HIVEP1: variants seen among roughly 807,000 people sequenced by gnomAD.
HIVEP1 encodes zinc finger protein 40.
A neutral mutation model predicts 180.0 loss-of-function variants in HIVEP1; 36 were observed. The observed-to-expected ratio is 0.20, with a 90% CI of 0.15 to 0.26. The LOEUF is 0.26. Among genes scored for constraint, HIVEP1 ranks in the 10% least tolerant of loss-of-function variants. HIVEP1 has a pLI of 1.00. For missense variants in HIVEP1, 3,143 were observed against 3,268.7 expected (o/e 0.96, Z 0.94); for synonymous variants, 1,239 against 1,239.0 (o/e 1.00, Z 0.00).
At chr6:12,166,482 G>A (rs1347416586), downstream of HIVEP1, among the ~76,000 whole-genome samples, 1 of 152,238 alleles carries the variant, frequency 6.6e-6, no homozygotes, top group East Asian at 1.9e-4. Context: ...AATGCATCGT[G>A]CAAATACCTT....
At chr6:12,013,192 G>C (rs1767498938) in intron 1 of HIVEP1, among the ~76,000 whole-genome samples, 1 of 119,292 alleles carries the variant, frequency 8.4e-6, no homozygotes, top group African/African-American at 3.0e-5. Flanking sequence ...GCTCCTTCCT[G>C]AGCTGGCACT....
rs573970756 is a variant in HIVEP1, at chr6:12,074,643, T to TGTGTGTGTGTGTGTGTGTATGTGTGTGC, written c.41-14540_41-14539insTGTGTGTGTGTGTGTGTATGTGTGTGCG. ...AAGTGTGTGTGTGTGTGTGTGTGTG[T>TGTGTGTGTGTGTGTGTGTATGTGTGTGC]GCGCGCGCGTGCATGTCCTTGTCTC... On this transcript the variant is annotated intron_variant, in intron 2 of 8. Transcript: ENST00000379388. Among the ~76,000 whole-genome samples, 672 of 148,138 alleles carry TGTGTGTGTGTGTGTGTGTATGTGTGTGC rather than the reference T, an allele frequency of 4.5e-3. 3 individuals are homozygous for TGTGTGTGTGTGTGTGTGTATGTGTGTGC. The highest frequency in any genetic ancestry group is 6.9e-3 in the Middle Eastern group (2 of 288).
In HIVEP1 at chr6:12,122,809, G is replaced by A. The variant is rs776043419; in HGVS notation, c.3014G>A (p.Gly1005Asp). 1 of 1,613,708 alleles carries A rather than the reference G, an allele frequency of 6.2e-7. No individual in the cohort carries two copies. Among genetic ancestry groups the A allele is most frequent in the Non-Finnish European group, 8.5e-7 (1 of 1,179,888 alleles). Residue 1005 changes from glycine (G) to aspartate (D), a missense_variant, in exon 4 of 9, where the codon GGT (glycine) becomes GAT (aspartate). By Grantham distance (94) the Gly-to-Asp change is moderately conservative. This residue lies in a region of HIVEP1 where 1,357 missense variants were observed against 1,260.5 expected (regional missense o/e 1.08). Transcript: ENST00000379388. ...REPEHSPVPG[G>D]LQPQILHYRV... ...CCTGAGCACAGCCCTGTGCCCGGCG[G>A]TCTGCAGCCTCAGATTCTACACTAC...
chr6:12,091,278 T>C (rs888107397), intron 3 of HIVEP1, among the ~76,000 whole-genome samples: 18 of 152,118 alleles, frequency 1.2e-4, no homozygotes, highest in African/African-American at 4.3e-4. Context: ...CTACAATAGA[T>C]CTCTTTTTCA....
downstream of HIVEP1, among the ~76,000 whole-genome samples, chr6:12,167,594 G>GCATGT (rs1473720394): frequency 2.3e-4 from 22 of 97,750 alleles, no homozygotes; most frequent in African/African-American, 2.9e-4. Context: ...TATATTACAT[G>GCATGT]TATATATACA....
chr6:12,120,619 G>A lies in HIVEP1; in HGVS notation c.824G>A (p.Gly275Glu). The A allele has an allele frequency of 1.9e-6, 3 of 1,614,138 alleles. No homozygotes were observed. The highest frequency in any genetic ancestry group is 2.5e-6 in the Non-Finnish European group (3 of 1,180,004). Residue 275 changes from glycine (G) to glutamate (E), a missense_variant, in exon 4 of 9, where the codon GGG (glycine) becomes GAG (glutamate). Transcript: ENST00000379388. ...HMSAAQKNEQ[G>E]AMQSASHLYH... ...TCTGCTGCTCAGAAGAATGAGCAAG[G>A]GGCAATGCAGTCAGCTTCTCATTTG... is the stretch of plus-strand genomic sequence containing the variant.
chr6:12,100,592 A>G (rs760900077), intron 3 of HIVEP1, among the ~76,000 whole-genome samples: 5 of 152,332 alleles, frequency 3.3e-5, no homozygotes, highest in African/African-American at 1.2e-4. Context: ...CTTTCTCATG[A>G]AAGTGGAGCA....
intron 3 of HIVEP1, among the ~76,000 whole-genome samples, chr6:12,115,350 C>CTT (rs34074662): frequency 0.051 from 3,806 of 75,238 alleles, 387 homozygotes; most frequent in East Asian, 0.09. Context: ...CCCAACTATT[C>CTT]TTTTTTTTTT....
rs1168350747 is a variant in HIVEP1 at position 12,164,333 on chromosome 6, G to A, written c.8029G>A (p.Gly2677Ser). The change falls in exon 9 of 9, where the codon GGC becomes AGC. Residue 2677 changes from glycine to serine, a missense_variant. This residue lies in a region of HIVEP1 where 595 missense variants were observed against 602.2 expected (regional missense o/e 0.99). Transcript: ENST00000379388. ...AHSEVFTKPS[G>S]QQTLSPDRQV... ...TTCTGAAGTTTTTACAAAGCCCTCA[G>A]GCCAGCAGACTCTCTCTCCAGACAG... is the stretch of plus-strand genomic sequence containing the variant. The A allele has an allele frequency of 6.2e-7, 1 of 1,614,068 alleles. No individual in the cohort carries two copies. The highest frequency in any genetic ancestry group is 2.2e-5 in the East Asian group (1 of 44,866).
chr6:12,025,035 A>G (rs1041540692), intron 2 of HIVEP1, among the ~76,000 whole-genome samples: 3 of 152,210 alleles, frequency 2.0e-5, no homozygotes, highest in Non-Finnish European at 4.4e-5. Flanking sequence ...ATGTTTTCTC[A>G]TTTGATTCCT....
At chr6:12,167,686 A>ATG (rs1562023798), downstream of HIVEP1, among the ~76,000 whole-genome samples, 27 of 78,040 alleles carry the variant, frequency 3.5e-4, no homozygotes, top group African/African-American at 1.4e-3. Flanking sequence ...ATATGTGTAT[A>ATG]ATATATATAC....
chr6:12,159,177 A>G (rs1760245457), intron 7 of HIVEP1, among the ~76,000 whole-genome samples: 3 of 152,022 alleles, frequency 2.0e-5, no homozygotes, highest in Admixed American at 2.0e-4. Flanking sequence ...TAATAAGTTT[A>G]AAGTTAGGCT....
At chr6:12,168,305 ACATATATT>A (rs374870826), downstream of HIVEP1, among the ~76,000 whole-genome samples, 1,149 of 13,888 alleles carry the variant, frequency 0.083, 47 homozygotes, top group African/African-American at 0.15. Context: ...ATACATATAT[ACATATATT>A]ATATACATAT....
intron 7 of HIVEP1, among the ~76,000 whole-genome samples, chr6:12,159,496 C>T (rs1005344335): frequency 6.6e-6 from 1 of 152,096 alleles, no homozygotes; most frequent in African/African-American, 2.4e-5. Context: ...GGCCAACTGT[C>T]TTATTCTTCC....
At chr6:12,047,907 T>A (rs191800328) in intron 2 of HIVEP1, among the ~76,000 whole-genome samples, 3 of 152,236 alleles carry the variant, frequency 2.0e-5, no homozygotes, top group Non-Finnish European at 4.4e-5. Context: ...TCATTGCACT[T>A]GTCTTTTCAG....
chr6:12,184,036 GAC>G, the HIVEP1 span, among the ~76,000 whole-genome samples: 1 of 142,812 alleles, frequency 7.0e-6, no homozygotes, highest in Non-Finnish European at 1.5e-5. Context: ...CAGACAGACA[GAC>G]AGACAGACAG....
At position 12,092,159 on chromosome 6, in the gene HIVEP1, A is replaced by G. The variant is rs2113345947; in HGVS notation, c.94+2922A>G. ...TACCATTGTATCCACCCACATGCTGATCGGCAATTCATCCCATTGTCTCTT... is the reference window on the plus strand; with the variant it reads ...TACCATTGTATCCACCCACATGCTGGTCGGCAATTCATCCCATTGTCTCTT... On this transcript the variant is annotated intron_variant, in intron 3 of 8. Transcript: ENST00000379388. 1.3e-5 allele frequency among the ~76,000 whole-genome samples: 2 copies of G among 152,276 alleles called. 1 individual carries two copies. Among genetic ancestry groups the G allele is most frequent in the Admixed American group, 1.3e-4 (2 of 15,304 alleles).
At chr6:12,176,402 T>G in the HIVEP1 span, among the ~76,000 whole-genome samples, 15 of 152,174 alleles carry the variant, frequency 9.9e-5, no homozygotes, top group East Asian at 2.7e-3. Context: ...TGGCTAATTT[T>G]TGTATTTTTA....
the HIVEP1 span, among the ~76,000 whole-genome samples, chr6:12,181,070 T>A: frequency 2.5e-4 from 38 of 152,090 alleles, no homozygotes; most frequent in Middle Eastern, 3.2e-3. Flanking sequence ...TAAGCAAAAT[T>A]TTTTTTAGAG....
Sources: allele counts gnomAD v4.1 joint callset (sites outside exome capture counted in the v4.1 genomes callset), GRCh38; gene constraint gnomAD v4.1.1; regional missense constraint gnomAD v4.1.1; transcripts MANE v1.5; gene names NCBI Gene and HGNC (gene_info 2026-07-23, HGNC 2026-07-21).